Variants in SLC46A3 observed in about 807,000 individuals in gnomAD.
SLC46A3 encodes the protein solute carrier family 46 member 3.
A neutral mutation model predicts 38.5 loss-of-function variants in SLC46A3; 26 were observed. The ratio of observed to expected loss-of-function variants is 0.68; its 90% CI spans 0.49 to 0.94. SLC46A3 has a LOEUF of 0.94. Among genes scored for constraint, SLC46A3 ranks in the 40% least tolerant of loss-of-function variants. The pLI, the probability that SLC46A3 is intolerant of heterozygous loss-of-function variation, is 0.00. For synonymous variants in SLC46A3, 185 were observed against 192.5 expected (o/e 0.96, Z 0.32); for missense variants, 510 against 544.3 (o/e 0.94, Z 0.63).
At chr13:28,710,042 T>C (rs1199815869) in intron 4 of SLC46A3, among the ~76,000 whole-genome samples, 1 of 152,238 alleles carries the variant, frequency 6.6e-6, no homozygotes, top group African/African-American at 2.4e-5. Context: ...ATATTATGCC[T>C]TCCTACTGTG....
intron 3 of SLC46A3, among the ~76,000 whole-genome samples, chr13:28,711,906 G>A (rs1386888614): frequency 1.3e-5 from 2 of 152,100 alleles, no homozygotes; most frequent in East Asian, 3.9e-4. Context: ...GTAGTACCAC[G>A]CCCATTTTAC....
At position 28,703,801 on chromosome 13, in the gene SLC46A3, C is replaced by T. The variant is rs137867212; in HGVS notation, c.1301+142G>A. 3.2e-3 allele frequency: 1,964 copies of T among 613,972 alleles called. 39 individuals are homozygous for T. Among genetic ancestry groups the T allele is most frequent in the Non-Finnish European group, 3.5e-4 (127 of 360,480 alleles). 38.0% of individuals were successfully genotyped at this position (613,972 alleles called of 1,614,324 possible). The stretch of plus-strand genomic sequence containing the variant: ...CAATTTTGTATATATGCTGCTGAAG[C>T]GAGCACTTCATGTCTAAAAGTTCTT... On this transcript the variant is annotated intron_variant, in intron 5 of 5. Transcript: ENST00000266943.
chr13:28,708,100 T>C lies in SLC46A3; in HGVS notation c.1144+2660A>G, dbSNP rs548892120. ...ATTTGTCAGTTCATGAACATTTGCA[T>C]AGGTTTCACTTTTTGGCTATTATGA... On this transcript the variant is annotated intron_variant, in intron 4 of 5. Coordinates refer to ENST00000266943, the MANE Select transcript of SLC46A3 (RefSeq NM_181785.4). Among the ~76,000 whole-genome samples the C allele has an allele frequency of 2.6e-5, 4 of 152,356 alleles. No homozygotes were observed. The South Asian group carries it at 8.3e-4, about 32-fold the overall frequency.
intron 2 of SLC46A3, 90 bp from the exon 3 acceptor site, chr13:28,713,640 G>A: frequency 7.7e-7 from 1 of 1,291,256 alleles, no homozygotes; most frequent in Non-Finnish European, 1.1e-6. Context: ...TTTTCCCTGT[G>A]GCCAGTAGGT....
chr13:28,705,057 G>A (rs755727916), intron 4 of SLC46A3, among the ~76,000 whole-genome samples: 2 of 152,210 alleles, frequency 1.3e-5, no homozygotes, highest in South Asian at 2.1e-4. Flanking sequence ...CCATCTTCAT[G>A]TGCTTTTCTT....
In SLC46A3 at chr13:28,703,969, CA is replaced by C; in HGVS notation, c.1274del (p.Leu425ArgfsTer58). 1 of 1,613,516 alleles carries C rather than the reference CA, an allele frequency of 6.2e-7. No homozygotes were observed. Among genetic ancestry groups the C allele is most frequent in the South Asian group, 1.1e-5 (1 of 91,038 alleles). On this transcript the variant is annotated frameshift_variant, in exon 5 of 6. Transcript: ENST00000266943. LOFTEE classifies it low-confidence loss of function (END_TRUNC). ...PGFTFLLSAG[L>X]LLLPAISLCV... ...ATAGACTGATGGCTGGAAGTAGTAA[CA>C]GACCAGCAGACAGCAGGAAAGTGAA...
At position 28,700,545 on chromosome 13, in the gene SLC46A3, T is replaced by A. The variant is rs1434771864; in HGVS notation, c.*952A>T. The stretch of plus-strand genomic sequence containing the variant: ...CAAGATCGTATTTTAAAAATGCCCT[T>A]AGCAGTATTTATAATTGAACAAGGA... On this transcript the variant is annotated 3_prime_UTR_variant, in exon 6 of 6. Transcript: ENST00000266943. 2 of 167,556 alleles carry A rather than the reference T, an allele frequency of 1.2e-5. No individual in the cohort carries two copies. The highest frequency in any genetic ancestry group is 1.7e-4 in the East Asian group (1 of 5,920). 10.4% of individuals were successfully genotyped at this position (167,556 alleles called of 1,614,324 possible). A position where few individuals can be genotyped will look rare whatever the true frequency, so the allele number is the denominator to read the frequency against.
At chr13:28,718,472 G>C (rs1257112156) in intron 1 of SLC46A3, 24 bp downstream of exon 1, 1 of 152,892 alleles carries the variant, frequency 6.5e-6, no homozygotes, top group African/African-American at 2.4e-5. Flanking sequence ...GCTCCCAATC[G>C]AAAGGGCCTT....
intron 3 of SLC46A3, among the ~76,000 whole-genome samples, chr13:28,711,750 C>T (rs952150034): frequency 1.3e-5 from 2 of 152,174 alleles, no homozygotes; most frequent in Non-Finnish European, 2.9e-5. Context: ...TTACAATTCT[C>T]AAAGTGTTTT....
intron 4 of SLC46A3, among the ~76,000 whole-genome samples, chr13:28,708,586 G>C (rs575878439): frequency 6.8e-6 from 1 of 147,024 alleles, no homozygotes; most frequent in Non-Finnish European, 1.5e-5. Context: ...GTTGTCGGTT[G>C]TCATTTCACT....
In SLC46A3 at chr13:28,713,189, C is replaced by T. The variant is rs149316432; in HGVS notation, c.551G>A (p.Gly184Glu). The change falls in exon 3 of 6, where the codon GGA (glycine) becomes GAA (glutamate). Residue 184 changes from glycine (G) to glutamate (E), a missense_variant. By Grantham distance (98) the Gly-to-Glu change is moderately conservative. Coordinates refer to ENST00000266943, the MANE Select transcript of SLC46A3 (RefSeq NM_181785.4). ...TCTAATAAAATAGCCAGATGACAGT[C>T]CTGTTAGTCCAGTAACAAGTCCAAG... is the stretch of plus-strand genomic sequence containing the variant. ...FLLGLVTGLTGLSSGYFIREL... is the reference protein window; with the variant it reads ...FLLGLVTGLTELSSGYFIREL... 5.6e-6 allele frequency: 9 copies of T among 1,613,970 alleles called. No homozygotes were observed. The African/African-American group carries it at 8.0e-5, about 14-fold the overall frequency.
At position 28,717,834 on chromosome 13, in the gene SLC46A3, G is replaced by A. The variant is rs367595137; in HGVS notation, c.165C>T (p.Ser55=). The change falls in exon 2 of 6, where the codon AGC becomes AGT. Residue 55 remains serine (S), a synonymous_variant. Coordinates refer to ENST00000266943, the MANE Select transcript of SLC46A3 (RefSeq NM_181785.4). ...SNISECEKNK[S]SPIFAFQEEV... ...CCTCCTGGAATGCAAAAATTGGGCT[G>A]CTTTTGTTTTTTTCACACTCAGAAA... 19 of 1,612,996 alleles carry A rather than the reference G, an allele frequency of 1.2e-5. No homozygotes were observed. Among genetic ancestry groups the A allele is most frequent in the Non-Finnish European group, 1.6e-5 (19 of 1,179,854 alleles).
At chr13:28,709,091 G>A (rs1885265302) in intron 4 of SLC46A3, among the ~76,000 whole-genome samples, 1 of 152,062 alleles carries the variant, frequency 6.6e-6, no homozygotes. Flanking sequence ...GGAGGCTGAG[G>A]CGGGCTGATT....
chr13:28,707,282 C>T lies in SLC46A3; in HGVS notation c.1145-3183G>A, dbSNP rs188280839. 1.1e-3 allele frequency among the ~76,000 whole-genome samples: 162 copies of T among 151,812 alleles called. 1 individual carries two copies. Among genetic ancestry groups the T allele is most frequent in the African/African-American group, 3.8e-3 (157 of 41,386 alleles). On this transcript the variant is annotated intron_variant, in intron 4 of 5. Coordinates refer to ENST00000266943, the MANE Select transcript of SLC46A3 (RefSeq NM_181785.4). Reference sequence around the variant, plus strand: ...GGATGAAGCTGGAAACCATCATTCTCAGCAAACCATCGCAAGAGCAAAAAA... The same window carrying T: ...GGATGAAGCTGGAAACCATCATTCTTAGCAAACCATCGCAAGAGCAAAAAA...
chr13:28,705,059 GC>G (rs1885137317), intron 4 of SLC46A3, among the ~76,000 whole-genome samples: 1 of 152,186 alleles, frequency 6.6e-6, no homozygotes, highest in Non-Finnish European at 1.5e-5. Flanking sequence ...ATCTTCATGT[GC>G]TTTTCTTCCT....
At chr13:28,715,756 C>G (rs778503099) in intron 2 of SLC46A3, among the ~76,000 whole-genome samples, 4 of 152,148 alleles carry the variant, frequency 2.6e-5, no homozygotes, top group Non-Finnish European at 5.9e-5. Context: ...GATGGATATG[C>G]TAATTAGCCT....
At chr13:28,704,340 A>C (rs768779395) in intron 4 of SLC46A3, 11 of 453,084 alleles carry the variant, frequency 2.4e-5, no homozygotes, top group Non-Finnish European at 3.6e-5. Flanking sequence ...GGAAACTCCA[A>C]ATAGCTGAGT....
At chr13:28,713,600 G>A (rs768687256) in intron 2 of SLC46A3, 50 bp from the exon 3 acceptor site, 80 of 1,526,678 alleles carry the variant, frequency 5.2e-5, no homozygotes, top group Middle Eastern at 2.3e-4. Context: ...TTAACACAAC[G>A]TGTATAAAAA....
At chr13:28,707,059 C>CAAAGGATTATA (rs895341400) in intron 4 of SLC46A3, among the ~76,000 whole-genome samples, 5 of 152,020 alleles carry the variant, frequency 3.3e-5, no homozygotes, top group Non-Finnish European at 5.9e-5. Context: ...GGTATATACC[C>CAAAGGATTATA]AAAGGATTAT....
Sources: allele counts gnomAD v4.1 joint callset (sites outside exome capture counted in the v4.1 genomes callset), GRCh38; gene constraint gnomAD v4.1.1; transcripts MANE v1.5; gene names NCBI Gene and HGNC (gene_info 2026-07-23, HGNC 2026-07-21).